Variants in ZNF33A observed in about 807,000 individuals in gnomAD.
The protein encoded by ZNF33A is zinc finger protein 33A.
In ZNF33A, 9 loss-of-function variants were observed where a neutral mutation model predicts 15.9. The ratio of observed to expected loss-of-function variants is 0.57; its 90% CI spans 0.34 to 0.99. ZNF33A has a LOEUF of 0.99. ZNF33A is among the 50% of genes least tolerant of loss of function. The probability of loss-of-function intolerance (pLI) is 0.02; values close to 1 mark genes in which losing one functional copy is unlikely to be tolerated. For synonymous variants in ZNF33A, 294 were observed against 324.2 expected (o/e 0.91, Z 1.00); for missense variants, 843 against 941.6 (o/e 0.90, Z 1.37).
intron 2 of ZNF33A, 55 bp downstream of exon 2, chr10:38,012,405 T>G (rs2064225994): frequency 6.9e-7 from 1 of 1,457,526 alleles, no homozygotes; most frequent in Non-Finnish European, 9.5e-7. Context: ...GTGAGATTTG[T>G]AAGAGTCGAT....
chr10:38,019,145 C>T (rs1252060700), intron 4 of ZNF33A, among the ~76,000 whole-genome samples: 1 of 151,718 alleles, frequency 6.6e-6, no homozygotes, highest in East Asian at 1.9e-4. Flanking sequence ...CTCCCCCCAC[C>T]CCGTAACAGT....
intron 4 of ZNF33A, among the ~76,000 whole-genome samples, chr10:38,044,317 C>G (rs2065856841): frequency 6.6e-6 from 1 of 151,152 alleles, no homozygotes; most frequent in Non-Finnish European, 1.5e-5. Flanking sequence ...ATGCAATTCT[C>G]TTGCCTCAGC....
chr10:38,063,957 G>A (rs1023741779), downstream of ZNF33A: 54 of 753,976 alleles, frequency 7.2e-5, no homozygotes, highest in African/African-American at 8.6e-4. Flanking sequence ...ACTGCCTGGT[G>A]TCTGTGGTGC....
At chr10:38,021,666 A>G (rs1177736256) in intron 4 of ZNF33A, among the ~76,000 whole-genome samples, 2 of 152,148 alleles carry the variant, frequency 1.3e-5, no homozygotes, top group Non-Finnish European at 2.9e-5. Flanking sequence ...AGTAGTGCCC[A>G]ACAACAGCAA....
chr10:38,012,512 AC>A (rs2064236858), intron 2 of ZNF33A, among the ~76,000 whole-genome samples, 162 bp downstream of exon 2: 1 of 142,656 alleles, frequency 7.0e-6, no homozygotes, highest in African/African-American at 2.6e-5. Flanking sequence ...GTTCACTGCA[AC>A]CTCTGCCTCC....
At chr10:38,027,327 T>C (rs1167815269) in intron 4 of ZNF33A, among the ~76,000 whole-genome samples, 1 of 152,102 alleles carries the variant, frequency 6.6e-6, no homozygotes, top group Non-Finnish European at 1.5e-5. Flanking sequence ...TTCATATGCA[T>C]CATTCATTCA....
At chr10:38,010,893 A>C in intron 1 of ZNF33A, 110 bp downstream of exon 1, 1 of 1,365,986 alleles carries the variant, frequency 7.3e-7, no homozygotes, top group Non-Finnish European at 1.0e-6. Context: ...GGGACCTCAT[A>C]GGGGAAGGCG....
At chr10:38,010,880 C>T (rs1590413348) in intron 1 of ZNF33A, 97 bp downstream of exon 1, 2 of 1,465,428 alleles carry the variant, frequency 1.4e-6, no homozygotes, top group East Asian at 2.3e-5. Context: ...GGGAGGAGGC[C>T]CGGGGACCTC....
In ZNF33A at chr10:38,055,698, A is replaced by G; in HGVS notation, c.1574A>G (p.Tyr525Cys). 1.2e-6 allele frequency: 2 copies of G among 1,613,850 alleles called. No homozygotes were observed. The highest frequency in any genetic ancestry group is 1.7e-6 in the Non-Finnish European group (2 of 1,179,938). ...ATAATTCATACAGGGTGGAAACCTT[A>G]TGAATGTTATGAATGTGGGAAAACC... The part of the protein sequence containing the change: ...HQIIHTGWKP[Y>C]ECYECGKTFC... The change falls in exon 5 of 5, where the codon TAT (tyrosine) becomes TGT (cysteine). Residue 525 changes from tyrosine to cysteine, a missense_variant. Coordinates refer to ENST00000432900, the MANE Select transcript of ZNF33A (RefSeq NM_006954.2).
rs772969096 is a variant in ZNF33A at position 38,010,769 on chromosome 10, C to G, written c.-59C>G. On this transcript the variant is annotated 5_prime_UTR_variant, in exon 1 of 5. Transcript: ENST00000432900. The stretch of plus-strand genomic sequence containing the variant: ...GCGCTTTTCTATGGCGAATGCAACC[C>G]GACGAGGGAGTGGGGTAAGCCCCAG... 6 of 1,598,428 alleles carry G rather than the reference C, an allele frequency of 3.8e-6. No individual in the cohort carries two copies. The highest frequency in any genetic ancestry group is 4.2e-6 in the Non-Finnish European group (5 of 1,179,818).
chr10:38,056,777 A>G lies in ZNF33A; in HGVS notation c.*217A>G. On this transcript the variant is annotated 3_prime_UTR_variant, in exon 5 of 5. Coordinates refer to ENST00000432900, the MANE Select transcript of ZNF33A (RefSeq NM_006954.2). ...TGTTAGAATTTACACTGAGGAGAAAATTGTCAATTTAAGAAATCTAAAGTG... is the reference window on the plus strand; with the variant it reads ...TGTTAGAATTTACACTGAGGAGAAAGTTGTCAATTTAAGAAATCTAAAGTG... 2 of 1,214,320 alleles carry G rather than the reference A, an allele frequency of 1.6e-6. No homozygotes were observed. Among genetic ancestry groups the G allele is most frequent in the Non-Finnish European group, 2.0e-6 (2 of 976,552 alleles). The allele number at this position is 1,214,320 out of a possible 1,614,324, so 75.2% of individuals were successfully genotyped here.
chr10:38,016,715 A>T (rs2135546730), intron 2 of ZNF33A, 156 bp from the exon 3 acceptor site: 1 of 834,230 alleles, frequency 1.2e-6, no homozygotes, highest in South Asian at 2.1e-5. Context: ...TTTCTTTTGC[A>T]TGAATTAATA....
In ZNF33A at chr10:38,056,431, A is replaced by G. The variant is rs747532057; in HGVS notation, c.2307A>G (p.Arg769=). 22 of 1,613,996 alleles carry G rather than the reference A, an allele frequency of 1.4e-5. No individual in the cohort carries two copies. Among genetic ancestry groups the G allele is most frequent in the African/African-American group, 2.7e-5 (2 of 74,940 alleles). ...AGTCAAATCTCATTGTACATCAGAG[A>G]AGACATATAGGAGAAAACCTTATGA... The part of the protein sequence containing the change: ...SQKSNLIVHQ[R]RHIGENLMNE... The change falls in exon 5 of 5, where the codon AGA becomes AGG. Residue 769 remains arginine (R), a synonymous_variant. Coordinates refer to ENST00000432900, the MANE Select transcript of ZNF33A (RefSeq NM_006954.2).
downstream of ZNF33A, among the ~76,000 whole-genome samples, chr10:38,065,898 A>T (rs186087192): frequency 2.6e-4 from 40 of 152,172 alleles, 1 homozygote; most frequent in East Asian, 7.8e-3. Context: ...TTTAATAAAG[A>T]CAAGGTTTCA....
intron 4 of ZNF33A, among the ~76,000 whole-genome samples, chr10:38,040,854 G>T (rs1219083168): frequency 2.0e-5 from 3 of 152,076 alleles, no homozygotes; most frequent in East Asian, 3.9e-4. Context: ...CTTTTCAATA[G>T]GTTTATTGGG....
At position 38,057,310 on chromosome 10, in the gene ZNF33A, A is replaced by G. The variant is rs2505228; in HGVS notation, c.*750A>G. The G allele has an allele frequency of 0.071, 68,754 of 967,826 alleles. 3,218 individuals carry two copies. Among genetic ancestry groups the G allele is most frequent in the Non-Finnish European group, 0.078 (63,103 of 813,180 alleles). The allele number at this position is 967,826 out of a possible 1,614,324, so 60.0% of individuals were successfully genotyped here. A position where few individuals can be genotyped will look rare whatever the true frequency, so the allele number is the denominator to read the frequency against. ...ATAACCACACGCTTTCTGCAACCCT[A>G]TCCCTTGCATCCACTTGACTATGAA... On this transcript the variant is annotated 3_prime_UTR_variant, in exon 5 of 5. Coordinates refer to ENST00000432900, the MANE Select transcript of ZNF33A (RefSeq NM_006954.2).
At chr10:38,022,449 G>T (rs565541362) in intron 4 of ZNF33A, among the ~76,000 whole-genome samples, 51 of 152,178 alleles carry the variant, frequency 3.4e-4, no homozygotes, top group Middle Eastern at 6.8e-3. Flanking sequence ...CTGAGGTCAA[G>T]AGTTCGTGAC....
At chr10:38,054,272 C>CA in intron 4 of ZNF33A, 103 bp from the exon 5 acceptor site, 1 of 1,282,548 alleles carries the variant, frequency 7.8e-7, no homozygotes, top group Non-Finnish European at 1.0e-6. Context: ...GGAAACTGGC[C>CA]AAAAAACCAG....
chr10:38,033,822 T>C (rs113421166), intron 4 of ZNF33A, among the ~76,000 whole-genome samples: 41 of 152,020 alleles, frequency 2.7e-4, no homozygotes, highest in African/African-American at 8.0e-4. Flanking sequence ...CAAGCAGTTC[T>C]GTGCCTCAGC....
Sources: allele counts gnomAD v4.1 joint callset (sites outside exome capture counted in the v4.1 genomes callset), GRCh38; gene constraint gnomAD v4.1.1; transcripts MANE v1.5; gene names NCBI Gene and HGNC (gene_info 2026-07-23, HGNC 2026-07-21).